Variants in BRD4 observed in about 807,000 individuals in gnomAD.
BRD4 encodes bromodomain containing 4.
BRD4 carries 16 observed loss-of-function variants against 142.1 expected under a neutral mutation model. That is an observed-to-expected ratio of 0.11 (90% CI 0.08 to 0.17). The LOEUF (loss-of-function observed/expected upper bound fraction) is 0.17, where lower values mean the gene tolerates loss of function less well. Ranked by LOEUF, BRD4 falls within the 10% of genes least tolerant of loss-of-function variation. BRD4 has a pLI of 1.00. For synonymous variants in BRD4, 833 were observed against 707.5 expected (o/e 1.18, Z -2.82); for missense variants, 1,424 against 1,810.9 (o/e 0.79, Z 3.88).
chr19:15,270,015 C>G (rs547441821), intron 2 of BRD4, among the ~76,000 whole-genome samples: 1 of 152,342 alleles, frequency 6.6e-6, no homozygotes, highest in Admixed American at 6.5e-5. Context: ...ATGACTAGAC[C>G]AGCTCAGGCT....
chr19:15,295,012 G>C lies in BRD4; in HGVS notation c.-34-21879C>G, dbSNP rs571171863. Among the ~76,000 whole-genome samples the C allele has an allele frequency of 4.5e-4, 69 of 152,306 alleles. 1 individual carries two copies. In the South Asian group the frequency reaches 0.013, roughly 30 times the overall value. On this transcript the variant is annotated intron_variant, in intron 1 of 19. Transcript: ENST00000679869. The stretch of plus-strand genomic sequence containing the variant: ...ACACTCAACACCATACTACTACTTT[G>C]TGCTGTTTACAATTTCCTAGCCTGC...
In BRD4 at chr19:15,319,066, C is replaced by T. The variant is rs144580382; in HGVS notation, c.-35+13224G>A. ...TGTGAAAACCAGCCTGGCACAGTGG[C>T]TCACCTGTGTAATCCCAGCAGTCTG... On this transcript the variant is annotated intron_variant, in intron 1 of 19. Coordinates refer to ENST00000679869, the MANE Select transcript of BRD4 (RefSeq NM_001379291.1). Among the ~76,000 whole-genome samples the T allele has an allele frequency of 4.3e-3, 654 of 152,312 alleles. 3 individuals carry two copies. The highest frequency in any genetic ancestry group is 0.02 in the South Asian group (97 of 4,832).
At chr19:15,269,261 G>A (rs918204617) in intron 2 of BRD4, among the ~76,000 whole-genome samples, 20 of 152,172 alleles carry the variant, frequency 1.3e-4, no homozygotes, top group African/African-American at 4.1e-4. Context: ...TAATTCAGAG[G>A]GAAACGTACA....
chr19:15,311,111 C>T lies in BRD4; in HGVS notation c.-35+21179G>A, dbSNP rs575598644. On this transcript the variant is annotated intron_variant, in intron 1 of 19. Coordinates refer to ENST00000679869, the MANE Select transcript of BRD4 (RefSeq NM_001379291.1). Reference sequence around the variant, plus strand: ...TTTGAGACCAGCATGGCCAACATGGCGAAACCCTGTCTGTATTAAAAATAC... The same window carrying T: ...TTTGAGACCAGCATGGCCAACATGGTGAAACCCTGTCTGTATTAAAAATAC... Among the ~76,000 whole-genome samples, 4 of 151,502 alleles carry T rather than the reference C, an allele frequency of 2.6e-5. No homozygotes were observed. The South Asian group carries it at 8.3e-4, about 32-fold the overall frequency.
intron 1 of BRD4, among the ~76,000 whole-genome samples, chr19:15,279,175 C>A (rs1482391917): frequency 6.6e-6 from 1 of 152,132 alleles, no homozygotes; most frequent in Non-Finnish European, 1.5e-5. Flanking sequence ...TCTTTGCAAT[C>A]ATAATATTTA....
chr19:15,280,487 C>T, intron 1 of BRD4: 1 of 989,438 alleles, frequency 1.0e-6, no homozygotes, highest in Non-Finnish European at 1.2e-6. Context: ...CAAGACCTCT[C>T]CCTGCAGCAC....
chr19:15,314,024 C>A (rs1439864243), intron 1 of BRD4, among the ~76,000 whole-genome samples: 1 of 152,270 alleles, frequency 6.6e-6, no homozygotes, highest in Middle Eastern at 3.4e-3. Flanking sequence ...CCTGAACCAT[C>A]GATAGGGGAT....
chr19:15,317,547 T>C (rs1479312856), intron 1 of BRD4, among the ~76,000 whole-genome samples: 12 of 152,052 alleles, frequency 7.9e-5, no homozygotes, highest in Non-Finnish European at 2.9e-5. Flanking sequence ...CTACAAACCC[T>C]GAACTTTTCA....
At chr19:15,293,582 C>A (rs1418899105) in intron 1 of BRD4, among the ~76,000 whole-genome samples, 1 of 152,204 alleles carries the variant, frequency 6.6e-6, no homozygotes, top group Admixed American at 6.5e-5. Context: ...GTGGATATGA[C>A]TGATAGTAAG....
rs750870100 is a variant in BRD4 at position 15,239,228 on chromosome 19, G to A, written c.3613C>T (p.Leu1205=). ...GGGGTGGTCGGATGCTTCTGCACTA[G>A]GCTGGCCCAGGAGCCCATGTTCTTG... ...KIKNMGSWAS[L]VQKHPTTPSS... Residue 1205 remains leucine, a synonymous_variant, in exon 18 of 20, where the codon CTA becomes TTA. Transcript: ENST00000679869. This position sits in a 1 kb window ranked among gnomAD's most constrained non-coding sequence, Gnocchi z 7.4. 1.4e-5 allele frequency: 22 copies of A among 1,613,134 alleles called. No individual in the cohort carries two copies. In the East Asian group the frequency reaches 4.7e-4, roughly 34 times the overall value.
At chr19:15,326,627 C>T (rs1429011044) in intron 1 of BRD4, among the ~76,000 whole-genome samples, 1 of 152,102 alleles carries the variant, frequency 6.6e-6, no homozygotes, top group African/African-American at 2.4e-5. Context: ...TCTACTTTTT[C>T]CAAATTCCTT....
intron 1 of BRD4, among the ~76,000 whole-genome samples, chr19:15,330,392 T>C (rs780797093): frequency 7.2e-5 from 11 of 152,218 alleles, no homozygotes; most frequent in Non-Finnish European, 1.5e-4. Flanking sequence ...AGCGCTTGGT[T>C]ATCTACAACG....
intron 1 of BRD4, among the ~76,000 whole-genome samples, chr19:15,306,989 A>T (rs779453558): frequency 1.3e-5 from 2 of 152,182 alleles, no homozygotes; most frequent in Non-Finnish European, 2.9e-5. Context: ...ATTTGTAAAT[A>T]AAAAAACCGC....
rs759001252 is a variant in BRD4 at position 15,257,158 on chromosome 19, G to C, written c.1357C>G (p.Arg453Gly). ...ARKLQDVFEM[R>G]FAKMPDEPEE... ...GGCTCGTCCGGCATCTTGGCAAAGC[G>C]CATTTCGAACACATCCTGGTGAGGG... Residue 453 changes from arginine to glycine, a missense_variant, in exon 8 of 20, where the codon CGC (arginine) becomes GGC (glycine). Arg to Gly is a moderately radical substitution (Grantham distance 125, BLOSUM62 -2). Around this residue, in one of 16 missense-constraint regions of BRD4, gnomAD observed 90 missense variants for 93.2 expected, o/e 0.97. Coordinates refer to ENST00000679869, the MANE Select transcript of BRD4 (RefSeq NM_001379291.1). 6.2e-7 allele frequency: 1 copy of C among 1,606,726 alleles called. No individual in the cohort carries two copies. Among genetic ancestry groups the C allele is most frequent in the South Asian group, 1.1e-5 (1 of 89,910 alleles).
chr19:15,296,524 C>T (rs936402703), intron 1 of BRD4, among the ~76,000 whole-genome samples: 3 of 152,162 alleles, frequency 2.0e-5, no homozygotes, highest in African/African-American at 4.8e-5. Flanking sequence ...CCACACAAGG[C>T]CCAAAGCCTG....
chr19:15,242,365 A>G (rs1056288020), intron 14 of BRD4, among the ~76,000 whole-genome samples: 11 of 152,230 alleles, frequency 7.2e-5, no homozygotes, highest in Admixed American at 3.3e-4. Flanking sequence ...GGCCTGACCA[A>G]TGCTGTCAAT....
At chr19:15,293,829 G>A (rs560164432) in intron 1 of BRD4, among the ~76,000 whole-genome samples, 6 of 152,290 alleles carry the variant, frequency 3.9e-5, no homozygotes, top group East Asian at 3.9e-4. Context: ...CCTCCTGCTC[G>A]TGGTAACCAC....
At position 15,294,965 on chromosome 19, in the gene BRD4, G is replaced by T. The variant is rs548794229; in HGVS notation, c.-34-21832C>A. Among the ~76,000 whole-genome samples, 17 of 152,302 alleles carry T rather than the reference G, an allele frequency of 1.1e-4. No individual in the cohort carries two copies. In the South Asian group the frequency reaches 3.5e-3, roughly 32 times the overall value. ...AAATGAAGATAAAAACTACAGTTCA[G>T]CTATGAATGTTTTCCGTCTAAACAC... On this transcript the variant is annotated intron_variant, in intron 1 of 19. Transcript: ENST00000679869.
At chr19:15,330,759 T>A (rs1373679673) in intron 1 of BRD4, among the ~76,000 whole-genome samples, 1 of 152,164 alleles carries the variant, frequency 6.6e-6, no homozygotes, top group South Asian at 2.1e-4. Context: ...AGAGCGAGAC[T>A]CCATCTAAAA....
Sources: gnomAD v4.1 joint callset for allele counts (sites outside exome capture counted in the v4.1 genomes callset) on GRCh38, gnomAD v4.1.1 for gene constraint, gnomAD v4.1.1 regional missense constraint, Gnocchi (gnomAD v3.1) non-coding constraint, MANE v1.5 for transcripts, NCBI Gene and HGNC (gene_info 2026-07-23, HGNC 2026-07-21) for gene names.